Variants in SCARA5 observed in about 807,000 individuals in gnomAD.
SCARA5 encodes the protein scavenger receptor class A, member 5 (putative).
A neutral mutation model predicts 46.3 loss-of-function variants in SCARA5; 45 were observed. The observed-to-expected ratio is 0.97, with a 90% confidence interval of 0.76 to 1.24. The LOEUF (loss-of-function observed/expected upper bound fraction) is 1.24, where lower values mean the gene tolerates loss of function less well. Ranked by LOEUF, SCARA5 falls within the 50% of genes most tolerant of loss-of-function variation. The pLI is 0.00. For synonymous variants in SCARA5, 333 were observed against 306.5 expected (o/e 1.09, Z -0.90); for missense variants, 680 against 689.0 (o/e 0.99, Z 0.15).
At chr8:27,960,316 A>G (rs537654696) in intron 3 of SCARA5, among the ~76,000 whole-genome samples, 2 of 152,140 alleles carry the variant, frequency 1.3e-5, no homozygotes, top group East Asian at 3.9e-4. Context: ...AGCTGGGACT[A>G]CAGGTACATA....
rs369576350 is a variant in SCARA5 at position 27,987,434 on chromosome 8, G to A, written c.112+70C>T. Reference sequence around the variant, plus strand: ...CACTTAAAGGCAATGCCAAGGTTGGGTGGTGGTAGGGCTCCTTCCCCACCC... The same window carrying A: ...CACTTAAAGGCAATGCCAAGGTTGGATGGTGGTAGGGCTCCTTCCCCACCC... On this transcript the variant is annotated intron_variant, in intron 2 of 8. Coordinates refer to ENST00000354914, the MANE Select transcript of SCARA5 (RefSeq NM_173833.6). 6.6e-4 allele frequency: 656 copies of A among 987,510 alleles called. 1 individual carries two copies. Among genetic ancestry groups the A allele is most frequent in the South Asian group, 2.2e-3 (171 of 78,146 alleles). The allele number at this position is 987,510 out of a possible 1,614,324, so 61.2% of individuals were successfully genotyped here. A position where few individuals can be genotyped will look rare whatever the true frequency, so the allele number is the denominator to read the frequency against.
chr8:27,925,163 A>G (rs1046079718), intron 3 of SCARA5, among the ~76,000 whole-genome samples: 1 of 152,262 alleles, frequency 6.6e-6, no homozygotes, highest in Non-Finnish European at 1.5e-5. Flanking sequence ...GAACCAAAAA[A>G]GAGCCCGTTT....
At chr8:27,907,004 C>A (rs2129759344) in intron 6 of SCARA5, 144 bp downstream of exon 6, 2 of 534,556 alleles carry the variant, frequency 3.7e-6, no homozygotes, top group Non-Finnish European at 3.3e-6. Context: ...AAACTAAATG[C>A]TTTAACAAGA....
At chr8:27,903,056 G>A (rs1363668190) in intron 7 of SCARA5, among the ~76,000 whole-genome samples, 1 of 152,178 alleles carries the variant, frequency 6.6e-6, no homozygotes, top group Non-Finnish European at 1.5e-5. Context: ...TCAGGGAGGG[G>A]AGGGCAGGGC....
At chr8:27,910,776 T>C (rs1051394129) in intron 4 of SCARA5, among the ~76,000 whole-genome samples, 2 of 152,224 alleles carry the variant, frequency 1.3e-5, no homozygotes, top group African/African-American at 4.8e-5. Context: ...GCCAGCGTCA[T>C]GCTCAGATGT....
intron 4 of SCARA5, among the ~76,000 whole-genome samples, chr8:27,913,178 T>A (rs1302682118): frequency 1.3e-5 from 2 of 152,196 alleles, no homozygotes; most frequent in Admixed American, 6.5e-5. Context: ...GATTTTGTTT[T>A]AAACATAACT....
At chr8:27,896,866 G>A (rs1025803114) in intron 7 of SCARA5, among the ~76,000 whole-genome samples, 1 of 152,164 alleles carries the variant, frequency 6.6e-6, no homozygotes, top group Admixed American at 6.5e-5. Context: ...GGCTGAGGCG[G>A]GTGGATCTTG....
At chr8:27,966,641 G>A in intron 2 of SCARA5, 99 bp from the exon 3 acceptor site, 1 of 1,318,254 alleles carries the variant, frequency 7.6e-7, no homozygotes, top group South Asian at 1.5e-5. Flanking sequence ...GCATGCAGAT[G>A]TTCATGTTGA....
At chr8:27,906,197 G>T (rs1280955053) in intron 6 of SCARA5, among the ~76,000 whole-genome samples, 2 of 152,202 alleles carry the variant, frequency 1.3e-5, no homozygotes, top group African/African-American at 2.4e-5. Context: ...ATGATTAGCA[G>T]TACTTTTTTC....
rs79324367 is a variant in SCARA5, at chr8:27,945,577, T to A, written c.241+20837A>T. 4.9e-3 allele frequency among the ~76,000 whole-genome samples: 741 copies of A among 152,218 alleles called. 6 individuals carry two copies. The highest frequency in any genetic ancestry group is 0.017 in the African/African-American group (689 of 41,558). ...ATAAAGATTTATGAAGCATACAGGT[T>A]GTGCAAAGCAGCAGGTTGGGTACAA... On this transcript the variant is annotated intron_variant, in intron 3 of 8. Transcript: ENST00000354914.
intron 7 of SCARA5, among the ~76,000 whole-genome samples, chr8:27,884,356 G>A (rs1448032922): frequency 1.3e-5 from 2 of 152,242 alleles, no homozygotes; most frequent in African/African-American, 4.8e-5. Context: ...AACTCCCCGG[G>A]AGCAGTAAGG....
intron 3 of SCARA5, among the ~76,000 whole-genome samples, chr8:27,934,797 C>A (rs1310685512): frequency 2.0e-5 from 3 of 152,220 alleles, no homozygotes; most frequent in East Asian, 1.9e-4. Flanking sequence ...TGGCCTCAGT[C>A]TTTTCATCTC....
intron 3 of SCARA5, among the ~76,000 whole-genome samples, chr8:27,930,071 G>A (rs375031979): frequency 1.3e-5 from 2 of 152,098 alleles, no homozygotes; most frequent in East Asian, 1.9e-4. Flanking sequence ...TAGTATCACC[G>A]CTTCACAGGT....
At chr8:27,894,025 C>A (rs1563515098) in intron 7 of SCARA5, among the ~76,000 whole-genome samples, 2 of 152,220 alleles carry the variant, frequency 1.3e-5, no homozygotes, top group East Asian at 1.9e-4. Flanking sequence ...GACAACACAG[C>A]CAAGTTCTGG....
At chr8:27,950,361 C>T (rs1269364181) in intron 3 of SCARA5, among the ~76,000 whole-genome samples, 2 of 152,174 alleles carry the variant, frequency 1.3e-5, no homozygotes, top group Non-Finnish European at 2.9e-5. Context: ...CACACACACC[C>T]CCAATCCCAT....
intron 4 of SCARA5, among the ~76,000 whole-genome samples, chr8:27,911,643 A>T (rs1215482571): frequency 1.3e-5 from 2 of 152,108 alleles, no homozygotes; most frequent in African/African-American, 2.4e-5. Context: ...GTGAGCCGAG[A>T]TTGCGCCATT....
At chr8:27,976,711 G>A (rs1447432215) in intron 2 of SCARA5, among the ~76,000 whole-genome samples, 1 of 152,178 alleles carries the variant, frequency 6.6e-6, no homozygotes, top group Non-Finnish European at 1.5e-5. Flanking sequence ...CACTTGTAGA[G>A]GACTGAGTCA....
intron 3 of SCARA5, among the ~76,000 whole-genome samples, chr8:27,936,311 A>G (rs1345209681): frequency 6.6e-6 from 1 of 152,084 alleles, no homozygotes; most frequent in Non-Finnish European, 1.5e-5. Context: ...AGAGTGGCCA[A>G]TTCTAGGTCT....
chr8:27,880,660 T>C (rs1806796699), intron 7 of SCARA5, among the ~76,000 whole-genome samples: 1 of 151,890 alleles, frequency 6.6e-6, no homozygotes, highest in Non-Finnish European at 1.5e-5. Context: ...AGCCTCAGCC[T>C]GGGCAGCATG....
Sources: allele counts gnomAD v4.1 joint callset (sites outside exome capture counted in the v4.1 genomes callset), GRCh38; gene constraint gnomAD v4.1.1; transcripts MANE v1.5; gene names NCBI Gene and HGNC (gene_info 2026-07-23, HGNC 2026-07-21).